RYR2: variants seen among roughly 807,000 people sequenced by gnomAD.
The protein encoded by RYR2 is cardiac muscle ryanodine receptor-calcium release channel.
RYR2 carries 227 observed loss-of-function variants against 601.1 expected under a neutral mutation model. The ratio of observed to expected loss-of-function variants is 0.38; its 90% CI spans 0.34 to 0.42. The LOEUF (loss-of-function observed/expected upper bound fraction) is 0.42, where lower values mean the gene tolerates loss of function less well. Ranked by LOEUF, RYR2 falls within the 10% of genes least tolerant of loss-of-function variation. The probability of loss-of-function intolerance (pLI) is 1.00; values close to 1 mark genes in which losing one functional copy is unlikely to be tolerated. For synonymous variants in RYR2, 2,223 were observed against 2,175.1 expected, an observed-to-expected ratio of 1.02 and a Z score of -0.61; for missense variants, 4,646 against 6,156.5, an observed-to-expected ratio of 0.75 and a Z score of 8.21.
Position 237,569,995 on chromosome 1 carries a change from A to G in RYR2, c.3598+676A>G, listed in dbSNP as rs375386966. ...CACTTTGGGAGGCCGAGGTGGATGG[A>G]TCACAAGGTCAGGAGTTCGAGACCA... On this transcript the variant is annotated intron_variant, in intron 29 of 104. Coordinates refer to ENST00000366574, the MANE Select transcript of RYR2 (RefSeq NM_001035.3). Among the ~76,000 whole-genome samples, 51 of 152,226 alleles carry G rather than the reference A, an allele frequency of 3.4e-4. No individual in the cohort carries two copies. The South Asian group carries it at 7.7e-3, about 23-fold the overall frequency.
chr1:237,649,332 T>G (rs755409681), intron 49 of RYR2, among the ~76,000 whole-genome samples: 1 of 152,210 alleles, frequency 6.6e-6, no homozygotes, highest in Non-Finnish European at 1.5e-5. Context: ...ATCACAAAAA[T>G]GAAATGAAAA....
chr1:237,208,964 A>ATATATATATATATATGTG (rs1558428037), intron 1 of RYR2, among the ~76,000 whole-genome samples: 32 of 104,584 alleles, frequency 3.1e-4, no homozygotes, highest in African/African-American at 9.6e-4. Context: ...ATATATATAT[A>ATATATATATATATATGTG]TATATATATA....
At chr1:237,527,917 C>A (rs1667751876) in intron 24 of RYR2, among the ~76,000 whole-genome samples, 1 of 152,120 alleles carries the variant, frequency 6.6e-6, no homozygotes, top group African/African-American at 2.4e-5. Context: ...ATCTCACGCC[C>A]TGCTACTTTG....
At chr1:237,351,608 C>T (rs899115448) in intron 3 of RYR2, among the ~76,000 whole-genome samples, 11 of 151,710 alleles carry the variant, frequency 7.3e-5, no homozygotes, top group Admixed American at 1.3e-4. Flanking sequence ...ATAGTGTTAG[C>T]GAAATACAGT....
chr1:237,726,528 C>T (rs1366656367), intron 75 of RYR2, among the ~76,000 whole-genome samples: 1 of 152,080 alleles, frequency 6.6e-6, no homozygotes, highest in Non-Finnish European at 1.5e-5. Flanking sequence ...ACCAAATTTA[C>T]TCACTCCTAA....
chr1:237,348,155 G>A lies in RYR2; in HGVS notation c.274-7810G>A, dbSNP rs146594528. Among the ~76,000 whole-genome samples, 803 of 152,256 alleles carry A rather than the reference G, an allele frequency of 5.3e-3. 22 individuals carry two copies. The East Asian group carries it at 0.064, about 12-fold the overall frequency. On this transcript the variant is annotated intron_variant, in intron 3 of 104. Transcript: ENST00000366574. ...GAGGTATTTCTCTGTTGGTGGTGAC[G>A]TTTTTATTATTATTATTACGAGACA... is the stretch of plus-strand genomic sequence containing the variant.
chr1:237,166,084 A>G (rs995086799), intron 1 of RYR2, among the ~76,000 whole-genome samples: 4 of 152,172 alleles, frequency 2.6e-5, no homozygotes, highest in South Asian at 4.1e-4. Flanking sequence ...ATGACCCACT[A>G]TCAGCATGGT....
chr1:237,579,957 G>C (rs879724567), intron 29 of RYR2, among the ~76,000 whole-genome samples: 3 of 152,080 alleles, frequency 2.0e-5, no homozygotes, highest in African/African-American at 7.2e-5. Context: ...GTGAAGAAAC[G>C]CAGATGATAT....
chr1:237,142,901 C>G (rs959124026), intron 1 of RYR2, among the ~76,000 whole-genome samples: 1 of 152,076 alleles, frequency 6.6e-6, no homozygotes, highest in Non-Finnish European at 1.5e-5. Flanking sequence ...GGGGGCCTCT[C>G]GGTAGCACCG....
intron 71 of RYR2, among the ~76,000 whole-genome samples, chr1:237,712,777 T>C (rs1688952400): frequency 6.6e-6 from 1 of 152,210 alleles, no homozygotes. Flanking sequence ...GTCACTCGTA[T>C]TGGGGAGGGG....
At chr1:237,381,251 CA>C (rs60493059) in intron 8 of RYR2, among the ~76,000 whole-genome samples, 321 of 45,760 alleles carry the variant, frequency 7.0e-3, no homozygotes, top group East Asian at 0.017. Context: ...GACTCCGTCT[CA>C]AAAAAAAAAA....
intron 62 of RYR2, among the ~76,000 whole-genome samples, chr1:237,684,332 A>G (rs1032739712): frequency 2.6e-5 from 4 of 152,060 alleles, no homozygotes; most frequent in African/African-American, 9.7e-5. Context: ...CCTAACTTTA[A>G]TAAATTTAGA....
rs2149353701 is a variant in RYR2 at position 237,784,117 on chromosome 1, C to T, written c.12405C>T (p.Arg4135=). Residue 4135 remains arginine (R), a synonymous_variant, in exon 90 of 105, where the codon CGC becomes CGT. Transcript: ENST00000366574. The surrounding 1 kb of genome is among the most constrained non-coding windows in gnomAD (Gnocchi z 7.1). ...ATTATTTCCAGCCCTTTCTGGGCCGCATCGAAATCATGGGAAGCGCCAAAC... is the reference window on the plus strand; with the variant it reads ...ATTATTTCCAGCCCTTTCTGGGCCGTATCGAAATCATGGGAAGCGCCAAAC... ...VLNYFQPFLG[R]IEIMGSAKRI... 2 of 1,613,988 alleles carry T rather than the reference C, an allele frequency of 1.2e-6. No individual in the cohort carries two copies. Among genetic ancestry groups the T allele is most frequent in the Admixed American group, 3.3e-5 (2 of 60,028 alleles).
At chr1:237,108,071 T>C (rs1668952652) in intron 1 of RYR2, among the ~76,000 whole-genome samples, 1 of 152,202 alleles carries the variant, frequency 6.6e-6, no homozygotes, top group Non-Finnish European at 1.5e-5. Context: ...TGGAAGCTGG[T>C]TCATGTATGC....
rs926964408 is a variant in RYR2 at position 237,407,852 on chromosome 1, G to A, written c.774-9197G>A. Among the ~76,000 whole-genome samples the A allele has an allele frequency of 2.0e-5, 3 of 151,916 alleles. No individual in the cohort carries two copies. In the East Asian group the frequency reaches 5.8e-4, roughly 29 times the overall value. Reference sequence around the variant, plus strand: ...AGGATGGTCTTGATCTCCTGACCTCGTGATCCACCTGCCTCGGCCTCCCAA... The same window carrying A: ...AGGATGGTCTTGATCTCCTGACCTCATGATCCACCTGCCTCGGCCTCCCAA... On this transcript the variant is annotated intron_variant, in intron 10 of 104. Transcript: ENST00000366574.
intron 17 of RYR2, among the ~76,000 whole-genome samples, chr1:237,485,002 G>A (rs1455704267): frequency 6.6e-6 from 1 of 152,166 alleles, no homozygotes; most frequent in Admixed American, 6.5e-5. Flanking sequence ...TAAACATGCA[G>A]TGCCTGCAGC....
At chr1:237,554,384 T>G (rs1670687841) in intron 27 of RYR2, among the ~76,000 whole-genome samples, 1 of 151,998 alleles carries the variant, frequency 6.6e-6, no homozygotes, top group Non-Finnish European at 1.5e-5. Context: ...CAGAGCTGTA[T>G]TCTATTTGTT....
intron 1 of RYR2, among the ~76,000 whole-genome samples, chr1:237,090,413 GAGTC>G (rs1666835216): frequency 6.6e-6 from 1 of 152,132 alleles, no homozygotes; most frequent in African/African-American, 2.4e-5. Flanking sequence ...AGGGGGATCA[GAGTC>G]AGAGGAGATG....
At chr1:237,211,744 A>G (rs1472847445) in intron 1 of RYR2, among the ~76,000 whole-genome samples, 2 of 152,222 alleles carry the variant, frequency 1.3e-5, no homozygotes, top group Admixed American at 6.5e-5. Flanking sequence ...CCTGAATGCC[A>G]AAGTGCTTTC....
Sources: gnomAD v4.1 joint callset for allele counts (sites outside exome capture counted in the v4.1 genomes callset) on GRCh38, gnomAD v4.1.1 for gene constraint, Gnocchi (gnomAD v3.1) non-coding constraint, MANE v1.5 for transcripts, NCBI Gene and HGNC (gene_info 2026-07-23, HGNC 2026-07-21) for gene names.